Variants in RUNX1 observed in about 807,000 individuals in gnomAD.
RUNX1 encodes the protein runt-related transcription factor 1.
RUNX1 carries 19 observed loss-of-function variants against 42.8 expected under a neutral mutation model. That is an observed-to-expected ratio of 0.44 (90% CI 0.31 to 0.65). RUNX1 has a LOEUF of 0.65. RUNX1 is among the 30% of genes least tolerant of loss of function. RUNX1 has a pLI of 0.07. For missense variants in RUNX1, 528 were observed against 672.0 expected (o/e 0.79, Z 2.37); for synonymous variants, 271 against 289.4 (o/e 0.94, Z 0.64).
intron 2 of RUNX1, among the ~76,000 whole-genome samples, chr21:34,984,252 T>C (rs2058868286): frequency 1.3e-5 from 2 of 152,102 alleles, no homozygotes; most frequent in Admixed American, 6.6e-5. Context: ...GATAATAAGA[T>C]AACAGAAGAA....
chr21:34,869,571 C>CT (rs1472322975), intron 5 of RUNX1, among the ~76,000 whole-genome samples: 2 of 152,196 alleles, frequency 1.3e-5, no homozygotes, highest in African/African-American at 4.8e-5. Context: ...AGTAAGAACC[C>CT]TTCCAAGTGA....
rs772041600 is a variant in RUNX1, at chr21:34,880,821, C to A, written c.352-108G>T. The A allele has an allele frequency of 1.0e-5, 12 of 1,163,102 alleles. No homozygotes were observed. In the Middle Eastern group the frequency reaches 1.6e-3, roughly 155 times the overall value. 72.0% of individuals were successfully genotyped at this position (1,163,102 alleles called of 1,614,324 possible). A position where few individuals can be genotyped will look rare whatever the true frequency, so the allele number is the denominator to read the frequency against. On this transcript the variant is annotated intron_variant, in intron 4 of 8. Coordinates refer to ENST00000675419, the MANE Select transcript of RUNX1 (RefSeq NM_001754.5). ...AAATTAAATGTATATTCAATGATTT[C>A]TTTTTAGGTTGCAGAGGAATAGCAA...
intron 4 of RUNX1, among the ~76,000 whole-genome samples, chr21:34,881,282 C>CA (rs1299733902): frequency 1.3e-5 from 2 of 151,982 alleles, no homozygotes; most frequent in African/African-American, 4.8e-5. Context: ...TAAAACAAAA[C>CA]AAAAAAACAC....
At chr21:34,798,868 C>T (rs1207925459) in intron 8 of RUNX1, among the ~76,000 whole-genome samples, 3 of 151,996 alleles carry the variant, frequency 2.0e-5, no homozygotes, top group Non-Finnish European at 4.4e-5. Context: ...TACCAAGGGG[C>T]GGCTGTATTT....
At chr21:34,917,951 A>G (rs2058324181) in intron 2 of RUNX1, among the ~76,000 whole-genome samples, 1 of 151,976 alleles carries the variant, frequency 6.6e-6, no homozygotes, top group African/African-American at 2.4e-5. Flanking sequence ...CAACATGGTG[A>G]AACCCTGTCT....
intron 2 of RUNX1, among the ~76,000 whole-genome samples, chr21:35,046,781 T>C (rs1369604871): frequency 6.6e-6 from 1 of 152,132 alleles, no homozygotes; most frequent in African/African-American, 2.4e-5. Flanking sequence ...CTCAATATTA[T>C]ATTACCAAAT....
intron 2 of RUNX1, among the ~76,000 whole-genome samples, chr21:34,946,242 T>G (rs2058562389): frequency 6.6e-6 from 1 of 152,242 alleles, no homozygotes; most frequent in African/African-American, 2.4e-5. Flanking sequence ...CTGTGACATT[T>G]CTGTCTTCAC....
chr21:34,960,136 C>T (rs947889285), intron 2 of RUNX1, among the ~76,000 whole-genome samples: 2 of 152,140 alleles, frequency 1.3e-5, no homozygotes, highest in African/African-American at 4.8e-5. Flanking sequence ...GGGGCAAAAT[C>T]TGGGAATTTC....
At chr21:34,891,088 C>T (rs1569089340) in intron 3 of RUNX1, among the ~76,000 whole-genome samples, 1 of 152,204 alleles carries the variant, frequency 6.6e-6, no homozygotes, top group Non-Finnish European at 1.5e-5. Context: ...TCTCGGGCCG[C>T]TTGCCTAAAA....
At position 35,048,887 on chromosome 21, in the gene RUNX1, T is replaced by C. The variant is rs1248488974; in HGVS notation, c.13A>G (p.Ser5Gly). Reference protein sequence around the residue: MASDSIFESFPSYPQ... With the variant: MASDGIFESFPSYPQ... The stretch of plus-strand genomic sequence containing the variant: ...TACGAAGGAAATGACTCAAATATGC[T>C]GTCTGAAGCCATCGCTTCCTCCTGA... The change falls in exon 2 of 9, where the codon AGC (serine) becomes GGC (glycine). Residue 5 changes from serine (S) to glycine (G), a missense_variant. By Grantham distance (56) the Ser-to-Gly change is moderately conservative. This residue lies in a region of RUNX1 where 114 missense variants were observed against 115.0 expected (regional missense o/e 0.99). Transcript: ENST00000675419. 7 of 1,614,004 alleles carry C rather than the reference T, an allele frequency of 4.3e-6. No homozygotes were observed. Among genetic ancestry groups the C allele is most frequent in the Non-Finnish European group, 5.9e-6 (7 of 1,179,924 alleles).
intron 2 of RUNX1, among the ~76,000 whole-genome samples, chr21:34,924,042 C>T (rs150611111): frequency 1.5e-3 from 229 of 152,230 alleles, no homozygotes; most frequent in African/African-American, 5.0e-3. Flanking sequence ...TGTTTTCATA[C>T]GTGACAGGGC....
At chr21:34,919,078 G>A (rs933689097) in intron 2 of RUNX1, among the ~76,000 whole-genome samples, 4 of 152,078 alleles carry the variant, frequency 2.6e-5, no homozygotes, top group Admixed American at 2.0e-4. Flanking sequence ...CTATGAGGTA[G>A]GTATTGTTCC....
chr21:34,926,820 CAGATA>C (rs2058399025), intron 2 of RUNX1, among the ~76,000 whole-genome samples: 1 of 149,070 alleles, frequency 6.7e-6, no homozygotes, highest in Admixed American at 6.9e-5. Flanking sequence ...ATTGGCCAGA[CAGATA>C]AAACAGACAT....
intron 2 of RUNX1, among the ~76,000 whole-genome samples, chr21:34,965,697 C>A (rs1383557487): frequency 1.3e-5 from 2 of 152,056 alleles, no homozygotes; most frequent in Non-Finnish European, 2.9e-5. Context: ...TTATGGGACT[C>A]TCGAGATGAA....
intron 2 of RUNX1, among the ~76,000 whole-genome samples, chr21:34,899,838 A>G (rs1482655558): frequency 6.6e-6 from 1 of 152,212 alleles, no homozygotes; most frequent in Non-Finnish European, 1.5e-5. Flanking sequence ...AGATCCTGAC[A>G]AGTTGCCTTT....
chr21:34,905,807 ATC>A (rs1400801629), intron 2 of RUNX1, among the ~76,000 whole-genome samples: 2 of 152,224 alleles, frequency 1.3e-5, no homozygotes, highest in Non-Finnish European at 2.9e-5. Flanking sequence ...TGGGATAAAT[ATC>A]TAGAAAATGC....
chr21:35,010,210 C>T (rs969022536), intron 2 of RUNX1, among the ~76,000 whole-genome samples: 11 of 151,956 alleles, frequency 7.2e-5, no homozygotes, highest in African/African-American at 2.7e-4. Context: ...TTTTTCCTCC[C>T]TAAATTTATA....
intron 2 of RUNX1, among the ~76,000 whole-genome samples, chr21:34,967,039 C>T (rs1310748016): frequency 1.3e-5 from 2 of 152,048 alleles, no homozygotes; most frequent in East Asian, 3.9e-4. Flanking sequence ...AACACATTCA[C>T]AAACGTGTTT....
chr21:34,895,808 A>C (rs947455474), intron 2 of RUNX1, among the ~76,000 whole-genome samples: 1 of 152,198 alleles, frequency 6.6e-6, no homozygotes, highest in African/African-American at 2.4e-5. Context: ...GAACTTCAAC[A>C]TGCGGGAAAA....
Sources: gnomAD v4.1 joint callset for allele counts (sites outside exome capture counted in the v4.1 genomes callset) on GRCh38, gnomAD v4.1.1 for gene constraint, gnomAD v4.1.1 regional missense constraint, MANE v1.5 for transcripts, NCBI Gene and HGNC (gene_info 2026-07-23, HGNC 2026-07-21) for gene names.